Variants in PTPRQ observed in about 807,000 individuals in gnomAD.
PTPRQ encodes protein tyrosine phosphatase receptor type Q, also known as phosphatidylinositol phosphatase PTPRQ.
A neutral mutation model predicts 246.0 loss-of-function variants in PTPRQ; 199 were observed. That is an observed-to-expected ratio of 0.81 (90% CI 0.72 to 0.91). PTPRQ has a LOEUF of 0.91. Among genes scored for constraint, PTPRQ ranks in the 40% least tolerant of loss-of-function variants. The pLI is 0.00. For synonymous variants in PTPRQ, 869 were observed against 853.2 expected, an observed-to-expected ratio of 1.02 and a Z score of -0.32; for missense variants, 2,624 against 2,528.4, an observed-to-expected ratio of 1.04 and a Z score of -0.81.
At chr12:80,493,560 T>C in intron 10 of PTPRQ, 105 bp downstream of exon 10, 1 of 1,378,262 alleles carries the variant, frequency 7.3e-7, no homozygotes, top group Non-Finnish European at 9.4e-7. Context: ...TAATGGTCTT[T>C]GGGCTGGAGT....
intron 43 of PTPRQ, among the ~76,000 whole-genome samples, chr12:80,673,882 A>G (rs1050574658): frequency 2.0e-5 from 3 of 152,172 alleles, no homozygotes; most frequent in Admixed American, 2.0e-4. Flanking sequence ...TACTATGGTA[A>G]TGAGGCTTAA....
Position 80,679,422 on chromosome 12 carries a change from G to T in PTPRQ, c.*399G>T. The T allele has an allele frequency of 6.4e-6, 1 of 156,410 alleles. No homozygotes were observed. Among genetic ancestry groups the T allele is most frequent in the Non-Finnish European group, 1.4e-5 (1 of 71,028 alleles). The allele number at this position is 156,410 out of a possible 1,614,324, so 9.7% of individuals were successfully genotyped here. A position where few individuals can be genotyped will look rare whatever the true frequency, so the allele number is the denominator to read the frequency against. ...TCAGTAGTGTTGTTTTGGCTTACAG[G>T]GTATTGATGTTTCTTGTGGATAATT... On this transcript the variant is annotated 3_prime_UTR_variant, in exon 45 of 45. Transcript: ENST00000644991.
intron 8 of PTPRQ, among the ~76,000 whole-genome samples, chr12:80,482,787 A>C (rs1291842615): frequency 0.017 from 2,532 of 150,092 alleles, 74 homozygotes; most frequent in African/African-American, 0.06. Flanking sequence ...GCTTATCATC[A>C]CTGGCCATCA....
chr12:80,483,809 C>T (rs148986942), intron 8 of PTPRQ, among the ~76,000 whole-genome samples: 1,853 of 151,886 alleles, frequency 0.012, 47 homozygotes, highest in African/African-American at 0.042. Flanking sequence ...TGTTCAGCTC[C>T]CTCTTATGAG....
At chr12:80,528,231 C>T (rs1045308889) in intron 17 of PTPRQ, among the ~76,000 whole-genome samples, 1 of 152,088 alleles carries the variant, frequency 6.6e-6, no homozygotes, top group African/African-American at 2.4e-5. Flanking sequence ...AGTTTATAAG[C>T]TTTAAAGGAG....
intron 35 of PTPRQ, among the ~76,000 whole-genome samples, chr12:80,638,166 G>A (rs918243683): frequency 6.6e-6 from 1 of 151,822 alleles, no homozygotes; most frequent in African/African-American, 2.4e-5. Flanking sequence ...TACTCAGGAG[G>A]CTGAGGCAGG....
intron 3 of PTPRQ, among the ~76,000 whole-genome samples, chr12:80,450,390 C>T (rs1592514935): frequency 6.6e-6 from 1 of 152,170 alleles, no homozygotes; most frequent in Non-Finnish European, 1.5e-5. Flanking sequence ...GGCTAATTGC[C>T]CTGGGCAGAA....
At chr12:80,669,199 T>G in intron 40 of PTPRQ, 58 bp downstream of exon 40, 2 of 1,533,508 alleles carry the variant, frequency 1.3e-6, no homozygotes, top group Middle Eastern at 1.7e-4. Flanking sequence ...AACATATGTG[T>G]GAATATTTCA....
intron 9 of PTPRQ, 116 bp from the exon 10 acceptor site, chr12:80,493,159 T>C (rs1335356687): frequency 8.5e-7 from 1 of 1,170,990 alleles, no homozygotes. Context: ...CATGGAAATA[T>C]GTTATCTTTT....
intron 3 of PTPRQ, among the ~76,000 whole-genome samples, chr12:80,455,292 T>G (rs114172344): frequency 0.019 from 2,895 of 152,326 alleles, 85 homozygotes; most frequent in African/African-American, 0.067. Context: ...TTTGGTTAAT[T>G]ATTTAAAAAA....
intron 25 of PTPRQ, among the ~76,000 whole-genome samples, chr12:80,565,795 T>C (rs1396275896): frequency 6.6e-6 from 1 of 152,198 alleles, no homozygotes; most frequent in Non-Finnish European, 1.5e-5. Flanking sequence ...TTTGAACAGA[T>C]AGAAGACTGT....
At chr12:80,638,550 TA>T (rs986464754) in intron 35 of PTPRQ, among the ~76,000 whole-genome samples, 3 of 152,228 alleles carry the variant, frequency 2.0e-5, no homozygotes, top group Non-Finnish European at 4.4e-5. Context: ...TGTGGTTTCA[TA>T]TTTTAGAAAT....
At chr12:80,676,701 C>A (rs1469257680) in intron 43 of PTPRQ, among the ~76,000 whole-genome samples, 2 of 151,884 alleles carry the variant, frequency 1.3e-5, no homozygotes, top group Non-Finnish European at 2.9e-5. Context: ...ATTTGAAAGG[C>A]CTTTATGAGA....
At chr12:80,458,550 T>C (rs919223365) in intron 4 of PTPRQ, among the ~76,000 whole-genome samples, 1 of 151,530 alleles carries the variant, frequency 6.6e-6, no homozygotes, top group Non-Finnish European at 1.5e-5. Flanking sequence ...TTTTTTTTTA[T>C]CTCAGACGTT....
intron 8 of PTPRQ, among the ~76,000 whole-genome samples, chr12:80,474,275 CTTAAT>C (rs1220068591): frequency 6.6e-6 from 1 of 152,038 alleles, no homozygotes; most frequent in Non-Finnish European, 1.5e-5. Flanking sequence ...ATTAAAGTTA[CTTAAT>C]TTAATTTCTT....
chr12:80,524,127 T>C (rs1187329574), intron 17 of PTPRQ, among the ~76,000 whole-genome samples: 1 of 152,222 alleles, frequency 6.6e-6, no homozygotes, highest in Non-Finnish European at 1.5e-5. Context: ...AATGGCCTTC[T>C]TTGTCTCTTT....
intron 16 of PTPRQ, 63 bp from the exon 17 acceptor site, chr12:80,510,260 C>A (rs200848533): frequency 2.2e-6 from 3 of 1,348,068 alleles, no homozygotes; most frequent in Non-Finnish European, 2.9e-6. Context: ...GTGTGCATTT[C>A]CATGTTAACT....
rs1255362660 is a variant in PTPRQ at position 80,678,690 on chromosome 12, C to A, written c.6827C>A (p.Ala2276Glu). 8 of 1,550,226 alleles carry A rather than the reference C, an allele frequency of 5.2e-6. No individual in the cohort carries two copies. The East Asian group carries it at 2.0e-4, about 38-fold the overall frequency. ...NQPICFVNYS[A>E]LQKMDSLDAM... is the part of the protein sequence containing the mutation. ...CCCATCTGTTTTGTTAACTATTCAG[C>A]ACTTCAGAAGATGGACTCTTTGGAC... The change falls in exon 44 of 45, where the codon GCA becomes GAA. Residue 2276 changes from alanine to glutamate, a missense_variant. Physicochemically the swap from Ala to Glu is moderately radical, Grantham distance 107. Coordinates refer to ENST00000644991, the MANE Select transcript of PTPRQ (RefSeq NM_001145026.2).
chr12:80,461,988 AC>A (rs1565719974), intron 6 of PTPRQ: 1 of 672,032 alleles, frequency 1.5e-6, no homozygotes, highest in South Asian at 1.5e-5. Context: ...CGTTCGTCTC[AC>A]TAGGGAGTGC....
Sources: allele counts gnomAD v4.1 joint callset (sites outside exome capture counted in the v4.1 genomes callset), GRCh38; gene constraint gnomAD v4.1.1; transcripts MANE v1.5; gene names NCBI Gene and HGNC (gene_info 2026-07-23, HGNC 2026-07-21).